The following HSPG2 variants were observed in gnomAD, a reference collection of about 807,000 sequenced individuals.
The protein encoded by HSPG2 is basement membrane-specific heparan sulfate proteoglycan core protein.
A neutral mutation model predicts 526.6 loss-of-function variants in HSPG2; 278 were observed. The observed-to-expected ratio is 0.53, with a 90% confidence interval of 0.48 to 0.58. The LOEUF (loss-of-function observed/expected upper bound fraction) is 0.58, where lower values mean the gene tolerates loss of function less well. Ranked by LOEUF, HSPG2 falls within the 20% of genes least tolerant of loss-of-function variation. The probability of loss-of-function intolerance (pLI) is 0.00; values close to 1 mark genes in which losing one functional copy is unlikely to be tolerated. For missense variants in HSPG2, 5,354 were observed against 6,099.5 expected, an observed-to-expected ratio of 0.88 and a Z score of 4.07; for synonymous variants, 2,465 against 2,555.4, an observed-to-expected ratio of 0.96 and a Z score of 1.07.
chr1:21,890,397 C>T lies in HSPG2; in HGVS notation c.413+30G>A. The T allele has an allele frequency of 2.5e-6, 4 of 1,610,344 alleles. No homozygotes were observed. The highest frequency in any genetic ancestry group is 3.4e-6 in the Non-Finnish European group (4 of 1,176,680). On this transcript the variant is annotated intron_variant, in intron 5 of 96. Coordinates refer to ENST00000374695, the MANE Select transcript of HSPG2 (RefSeq NM_005529.7). The surrounding 1 kb of genome is among the most constrained non-coding windows in gnomAD (Gnocchi z 4.1). ...CCCTCCAGGTTACCCGCTCAAGTCC[C>T]CCAGCAGCCCCCAGGGAGCCCCTTC... is the stretch of plus-strand genomic sequence containing the variant.
chr1:21,872,095 G>A lies in HSPG2; in HGVS notation c.4221+91C>T. The stretch of plus-strand genomic sequence containing the variant: ...ACGTGCCTAACCACGATATGGCCAT[G>A]CAGGTGGCAGGTGCCTGCCTGCTGA... On this transcript the variant is annotated intron_variant, in intron 33 of 96. Coordinates refer to ENST00000374695, the MANE Select transcript of HSPG2 (RefSeq NM_005529.7). The surrounding 1 kb of genome is among the most constrained non-coding windows in gnomAD (Gnocchi z 5.5). 1 of 1,369,916 alleles carries A rather than the reference G, an allele frequency of 7.3e-7. No individual in the cohort carries two copies. Among genetic ancestry groups the A allele is most frequent in the Non-Finnish European group, 1.0e-6 (1 of 983,452 alleles). The allele number at this position is 1,369,916 out of a possible 1,614,324, so 84.9% of individuals were successfully genotyped here. A position where few individuals can be genotyped will look rare whatever the true frequency, so the allele number is the denominator to read the frequency against.
intron 33 of HSPG2, among the ~76,000 whole-genome samples, chr1:21,866,489 C>G (rs1416630733): frequency 1.3e-5 from 2 of 152,192 alleles, no homozygotes; most frequent in Non-Finnish European, 2.9e-5. Context: ...CAGAGAAAGT[C>G]CCTTCTGCAG....
intron 1 of HSPG2, among the ~76,000 whole-genome samples, chr1:21,921,740 C>T (rs1644044841): frequency 6.6e-6 from 1 of 152,180 alleles, no homozygotes; most frequent in Non-Finnish European, 1.5e-5. Flanking sequence ...TGTCCTGGGG[C>T]CACTTCTGTT....
rs1270938295 is a variant in HSPG2 at position 21,846,231 on chromosome 1, G to A, written c.8341C>T (p.His2781Tyr). The change falls in exon 64 of 97, where the codon CAC becomes TAC. Residue 2781 changes from histidine to tyrosine, a missense_variant. Coordinates refer to ENST00000374695, the MANE Select transcript of HSPG2 (RefSeq NM_005529.7). ...HQTRGSRLRL[H>Y]HVSPADSGEY... ...CCCGAGTCGGCCGGGGACACATGGT[G>A]CAGCCGCAGCCGTGAGCCGCGGGTC... 1.2e-6 allele frequency: 2 copies of A among 1,612,712 alleles called. No individual in the cohort carries two copies. Among genetic ancestry groups the A allele is most frequent in the African/African-American group, 1.3e-5 (1 of 75,054 alleles).
At chr1:21,843,646 G>A (rs550208561) in intron 65 of HSPG2, among the ~76,000 whole-genome samples, 1 of 152,042 alleles carries the variant, frequency 6.6e-6, no homozygotes, top group Non-Finnish European at 1.5e-5. Context: ...AGTAACAGGT[G>A]TCCTTTTCTT....
chr1:21,860,290 A>G, intron 39 of HSPG2, 55 bp from the exon 40 acceptor site: 1 of 1,530,740 alleles, frequency 6.5e-7, no homozygotes, highest in East Asian at 2.4e-5. Context: ...CCAGTGCCTC[A>G]TGGTGGACTT....
Position 21,864,129 on chromosome 1 carries a change from G to A in HSPG2, c.4711C>T (p.Leu1571=). Reference sequence around the variant, plus strand: ...CAGGCCCCAGTCTCTGGGTGGCACAGGTCTGAGTGGCCATTGCATTCACAT... The same window carrying A: ...CAGGCCCCAGTCTCTGGGTGGCACAAGTCTGAGTGGCCATTGCATTCACAT... ...ELCECNGHSD[L]CHPETGACSQ... is the part of the protein sequence containing the mutation. The change falls in exon 37 of 97, where the codon CTG becomes TTG. Residue 1571 remains leucine, a synonymous_variant. Coordinates refer to ENST00000374695, the MANE Select transcript of HSPG2 (RefSeq NM_005529.7). The surrounding 1 kb of genome is among the most constrained non-coding windows in gnomAD (Gnocchi z 4.8). The A allele has an allele frequency of 6.4e-7, 1 of 1,556,244 alleles. No individual in the cohort carries two copies. The highest frequency in any genetic ancestry group is 8.7e-7 in the Non-Finnish European group (1 of 1,149,882).
intron 1 of HSPG2, among the ~76,000 whole-genome samples, chr1:21,923,354 C>T (rs1026262117): frequency 1.3e-5 from 2 of 151,982 alleles, no homozygotes; most frequent in Non-Finnish European, 2.9e-5. Flanking sequence ...TGCAGTGAGC[C>T]GAGATCATGC....
In HSPG2 at chr1:21,847,088, CACTT is replaced by C. The variant is rs1297269065; in HGVS notation, c.8164+262_8164+265del. Among the ~76,000 whole-genome samples the C allele has an allele frequency of 6.6e-6, 1 of 152,250 alleles. No homozygotes were observed. The highest frequency in any genetic ancestry group is 1.5e-5 in the Non-Finnish European group (1 of 68,048). ...TCTAAGCACATTACATGCACTAACT[CACTT>C]AACCCTCACAAAATTCGTAAACTTC... On this transcript the variant is annotated intron_variant, in intron 62 of 96. Transcript: ENST00000374695. This position sits in a 1 kb window ranked among gnomAD's most constrained non-coding sequence, Gnocchi z 4.1.
chr1:21,849,496 G>A (rs983176257), intron 57 of HSPG2, among the ~76,000 whole-genome samples: 2 of 152,178 alleles, frequency 1.3e-5, no homozygotes, highest in South Asian at 2.1e-4. Context: ...ACACATTTCA[G>A]TGTCTCCAAA....
chr1:21,847,414 T>A lies in HSPG2; in HGVS notation c.8104A>T (p.Ile2702Phe). 1 of 1,613,768 alleles carries A rather than the reference T, an allele frequency of 6.2e-7. No individual in the cohort carries two copies. Among genetic ancestry groups the A allele is most frequent in the Non-Finnish European group, 8.5e-7 (1 of 1,179,940 alleles). The part of the protein sequence containing the change: ...GEYVCRANNN[I>F]DALEASIVIS... ...ACGATGGAGGCCTCCAGGGCATCGATGTTGTTGTTGGCCCGGCACACATAC... is the reference window on the plus strand; with the variant it reads ...ACGATGGAGGCCTCCAGGGCATCGAAGTTGTTGTTGGCCCGGCACACATAC... The change falls in exon 62 of 97, where the codon ATC becomes TTC. Residue 2702 changes from isoleucine to phenylalanine, a missense_variant. By Grantham distance (21) the Ile-to-Phe change is conservative (BLOSUM62 0). Transcript: ENST00000374695. The surrounding 1 kb of genome is among the most constrained non-coding windows in gnomAD (Gnocchi z 4.1).
rs1412656495 is a variant in HSPG2 at position 21,829,078 on chromosome 1, C to A, written c.11994G>T (p.Gly3998=). ...GCTCGGCGCTCCGCAGAACGGCCAG[C>A]CCTGGGGAGGATGCCAGGCAGGGTT... The part of the protein sequence containing the change: ...HLEFRYELGS[G]LAVLRSAEPL... Residue 3998 remains glycine (G), a splice_region_variant and synonymous_variant, in exon 88 of 97, where the codon GGG becomes GGT. Transcript: ENST00000374695. The A allele has an allele frequency of 6.5e-7, 1 of 1,536,812 alleles. No individual in the cohort carries two copies.
Position 21,887,131 on chromosome 1 carries a change from G to GGGCGGGCAGGAGTGGAA in HSPG2, c.1078+83_1078+84insTTCCACTCCTGCCCGCC. The GGGCGGGCAGGAGTGGAA allele has an allele frequency of 7.0e-7, 1 of 1,429,942 alleles. No individual in the cohort carries two copies. Among genetic ancestry groups the GGGCGGGCAGGAGTGGAA allele is most frequent in the Middle Eastern group, 2.4e-4 (1 of 4,160 alleles). 88.6% of individuals were successfully genotyped at this position (1,429,942 alleles called of 1,614,324 possible). A position where few individuals can be genotyped will look rare whatever the true frequency, so the allele number is the denominator to read the frequency against. ...GGGGGAAAGCGGAGGGGCAGGGTAG[G>GGGCGGGCAGGAGTGGAA]GGCGGGGCAGGAGTGGAAGGCGGGG... On this transcript the variant is annotated intron_variant, in intron 9 of 96. Coordinates refer to ENST00000374695, the MANE Select transcript of HSPG2 (RefSeq NM_005529.7). This position sits in a 1 kb window ranked among gnomAD's most constrained non-coding sequence, Gnocchi z 5.0.
Position 21,889,890 on chromosome 1 carries a change from G to C in HSPG2, c.574+91C>G, listed in dbSNP as rs1414208505. ...GTGAGCTCCCTGTTTCTAGTGGTGT[G>C]CAAGCCCAAGTTGGGAGCCTATGGC... is the stretch of plus-strand genomic sequence containing the variant. On this transcript the variant is annotated intron_variant, in intron 6 of 96. Transcript: ENST00000374695. 8.2e-6 allele frequency: 11 copies of C among 1,338,834 alleles called. No individual in the cohort carries two copies. In the Admixed American group the frequency reaches 1.2e-4, roughly 14 times the overall value. The allele number at this position is 1,338,834 out of a possible 1,614,324, so 82.9% of individuals were successfully genotyped here.
At position 21,846,108 on chromosome 1, in the gene HSPG2, CG is replaced by C; in HGVS notation, c.8463del (p.Ala2822ProfsTer25). The C allele has an allele frequency of 6.2e-7, 1 of 1,612,470 alleles. No homozygotes were observed. Among genetic ancestry groups the C allele is most frequent in the Non-Finnish European group, 8.5e-7 (1 of 1,180,028 alleles). ...EASGSSAVHV[P>X]APGGAPPIRI... ...CCCGTCCCACTGCAGGGACCCTCAC[CG>C]GGGACGTGGACAGCACTTGAGCCAG... On this transcript the variant is annotated frameshift_variant and splice_region_variant, in exon 64 of 97. Coordinates refer to ENST00000374695, the MANE Select transcript of HSPG2 (RefSeq NM_005529.7). LOFTEE classifies it high-confidence loss of function.
Position 21,834,813 on chromosome 1 carries a change from A to G in HSPG2, c.10586T>C (p.Leu3529Pro). The G allele has an allele frequency of 6.2e-7, 1 of 1,614,246 alleles. No individual in the cohort carries two copies. Among genetic ancestry groups the G allele is most frequent in the Non-Finnish European group, 8.5e-7 (1 of 1,180,050 alleles). Residue 3529 changes from leucine (L) to proline (P), a missense_variant, in exon 77 of 97, where the codon CTG (leucine) becomes CCG (proline). Physicochemically the swap from Leu to Pro is moderately conservative, Grantham distance 98 (BLOSUM62 -3). Coordinates refer to ENST00000374695, the MANE Select transcript of HSPG2 (RefSeq NM_005529.7). ...TCCGCTCTGCACAATGCCTGGCCGCAGGTGCCCTCCAACTTTGCTCCATGT... is the reference window on the plus strand; with the variant it reads ...TCCGCTCTGCACAATGCCTGGCCGCGGGTGCCCTCCAACTTTGCTCCATGT... ...QVTWSKVGGHLRPGIVQSGGV... is the reference protein window; with the variant it reads ...QVTWSKVGGHPRPGIVQSGGV...
Position 21,878,871 on chromosome 1 carries a change from T to C in HSPG2, c.2471+123A>G, listed in dbSNP as rs1471668512. 4 of 1,327,956 alleles carry C rather than the reference T, an allele frequency of 3.0e-6. No homozygotes were observed. In the East Asian group the frequency reaches 7.5e-5, roughly 25 times the overall value. 82.3% of individuals were successfully genotyped at this position (1,327,956 alleles called of 1,614,324 possible). ...AGAGGCCTAGAGAGGTCCAGGAGCA[T>C]GGGATAACTTAGTGATCAGGTAGAG... On this transcript the variant is annotated intron_variant, in intron 18 of 96. Coordinates refer to ENST00000374695, the MANE Select transcript of HSPG2 (RefSeq NM_005529.7).
rs1401615464 is a variant in HSPG2, at chr1:21,852,965, T to G, written c.6545A>C (p.Gln2182Pro). 5 of 1,613,548 alleles carry G rather than the reference T, an allele frequency of 3.1e-6. No homozygotes were observed. Among genetic ancestry groups the G allele is most frequent in the Non-Finnish European group, 3.4e-6 (4 of 1,179,884 alleles). ...GCCCCCACGCTTGTGCCACGTGACCTGGGCGTGGGCCTGCCCGGGCACCAC... is the reference window on the plus strand; with the variant it reads ...GCCCCCACGCTTGTGCCACGTGACCGGGGCGTGGGCCTGCCCGGGCACCAC... Reference protein sequence around the residue: ...NCVVPGQAHAQVTWHKRGGSL... With the variant: ...NCVVPGQAHAPVTWHKRGGSL... The change falls in exon 51 of 97, where the codon CAG becomes CCG. Residue 2182 changes from glutamine (Q) to proline (P), a missense_variant. Coordinates refer to ENST00000374695, the MANE Select transcript of HSPG2 (RefSeq NM_005529.7).
At position 21,864,894 on chromosome 1, in the gene HSPG2, G is replaced by A. The variant is rs140056847; in HGVS notation, c.4575C>T (p.Leu1525=). The change falls in exon 36 of 97, where the codon CTC becomes CTT. Residue 1525 remains leucine (L), a synonymous_variant. Coordinates refer to ENST00000374695, the MANE Select transcript of HSPG2 (RefSeq NM_005529.7). This position sits in a 1 kb window ranked among gnomAD's most constrained non-coding sequence, Gnocchi z 4.8. Reference sequence around the variant, plus strand: ...GCGGGCAGCGGCACTCCTCCACCTCGAGGGCGCGGGGTCTGTTTGAGGGCC... The same window carrying A: ...GCGGGCAGCGGCACTCCTCCACCTCAAGGGCGCGGGGTCTGTTTGAGGGCC... The part of the protein sequence containing the change: ...QPGPSNRPRA[L]EVEECRCPPG... The A allele has an allele frequency of 1.5e-4, 239 of 1,610,470 alleles. No individual in the cohort carries two copies. Among genetic ancestry groups the A allele is most frequent in the Admixed American group, 4.0e-4 (24 of 59,922 alleles).
Sources: allele counts gnomAD v4.1 joint callset (sites outside exome capture counted in the v4.1 genomes callset), GRCh38; gene constraint gnomAD v4.1.1; non-coding constraint Gnocchi (gnomAD v3.1); transcripts MANE v1.5; gene names NCBI Gene and HGNC (gene_info 2026-07-23, HGNC 2026-07-21).